SCHIP1: variants seen among roughly 807,000 people sequenced by gnomAD.
The protein encoded by SCHIP1 is schwannomin interacting protein 1.
A neutral mutation model predicts 29.7 loss-of-function variants in SCHIP1; 8 were observed. The observed-to-expected ratio is 0.27, with a 90% CI of 0.16 to 0.49. The LOEUF (loss-of-function observed/expected upper bound fraction) is 0.49. Among genes scored for constraint, SCHIP1 ranks in the 20% least tolerant of loss-of-function variants. The pLI, the probability that SCHIP1 is intolerant of heterozygous loss-of-function variation, is 0.99. For missense variants in SCHIP1, 193 were observed against 294.6 expected (o/e 0.66, Z 2.52); for synonymous variants, 76 against 94.9 (o/e 0.80, Z 1.16).
chr3:159,592,117 C>A, the SCHIP1 span, among the ~76,000 whole-genome samples: 1 of 152,032 alleles, frequency 6.6e-6, no homozygotes, highest in Non-Finnish European at 1.5e-5. Flanking sequence ...TTGAAGTACT[C>A]AGCTGCTATC....
chr3:159,509,789 A>G, the SCHIP1 span, among the ~76,000 whole-genome samples: 1 of 152,160 alleles, frequency 6.6e-6, no homozygotes, highest in Non-Finnish European at 1.5e-5. Context: ...AATGTTGACT[A>G]TTGTTCCCCA....
At chr3:159,343,355 A>G in the SCHIP1 span, among the ~76,000 whole-genome samples, 2 of 152,192 alleles carry the variant, frequency 1.3e-5, no homozygotes, top group African/African-American at 4.8e-5. Context: ...AAAGTCATAA[A>G]ACACTCCAAA....
Position 159,867,842 on chromosome 3 carries a change from T to G in SCHIP1, c.149+1561T>G, listed in dbSNP as rs118107098. Among the ~76,000 whole-genome samples the G allele has an allele frequency of 7.1e-4, 108 of 152,156 alleles. 1 individual carries two copies. The East Asian group carries it at 0.019, about 27-fold the overall frequency. On this transcript the variant is annotated intron_variant, in intron 2 of 6. Transcript: ENST00000445224. ...ATGAGAGCATTGGACCATATCATCT[T>G]ATAGATCTCTGCTACTGCTCTCTAA... is the stretch of plus-strand genomic sequence containing the variant.
chr3:159,547,446 T>C, the SCHIP1 span, among the ~76,000 whole-genome samples: 3 of 152,234 alleles, frequency 2.0e-5, no homozygotes, highest in African/African-American at 7.2e-5. Flanking sequence ...ATTTTGGCTT[T>C]TGTTGTACTT....
At chr3:159,663,342 G>T in the SCHIP1 span, among the ~76,000 whole-genome samples, 1 of 152,106 alleles carries the variant, frequency 6.6e-6, no homozygotes, top group African/African-American at 2.4e-5. Flanking sequence ...GGAGGGTTCC[G>T]GGTGAAGTTC....
At chr3:159,838,675 G>C (rs568445064), upstream of SCHIP1, among the ~76,000 whole-genome samples, 630 of 152,086 alleles carry the variant, frequency 4.1e-3, 7 homozygotes, top group African/African-American at 0.015. Flanking sequence ...CGGATCACAA[G>C]GTCAGGAGAT....
At chr3:159,719,651 C>A in the SCHIP1 span, among the ~76,000 whole-genome samples, 1 of 152,164 alleles carries the variant, frequency 6.6e-6, no homozygotes, top group East Asian at 1.9e-4. Flanking sequence ...TCATCACTGG[C>A]CATCAGAGAA....
the SCHIP1 span, among the ~76,000 whole-genome samples, chr3:159,578,294 A>G: frequency 6.6e-6 from 1 of 152,208 alleles, no homozygotes; most frequent in Non-Finnish European, 1.5e-5. Context: ...ATAACTGTGA[A>G]GTGCACATTG....
At chr3:159,631,241 G>A in the SCHIP1 span, among the ~76,000 whole-genome samples, 1 of 151,136 alleles carries the variant, frequency 6.6e-6, no homozygotes, top group African/African-American at 2.4e-5. Context: ...ATTGCAGCTG[G>A]GAATGTAAAA....
At chr3:159,566,401 T>G in the SCHIP1 span, among the ~76,000 whole-genome samples, 7,751 of 152,232 alleles carry the variant, frequency 0.051, 286 homozygotes, top group Middle Eastern at 0.13. Flanking sequence ...GACACTGCAG[T>G]AAACAAAAAT....
At chr3:159,430,864 C>G in the SCHIP1 span, among the ~76,000 whole-genome samples, 2 of 152,000 alleles carry the variant, frequency 1.3e-5, no homozygotes, top group African/African-American at 2.4e-5. Flanking sequence ...TATAGAAATG[C>G]CCCTCAATAG....
chr3:159,650,676 CA>C, the SCHIP1 span, among the ~76,000 whole-genome samples: 1 of 151,996 alleles, frequency 6.6e-6, no homozygotes, highest in African/African-American at 2.4e-5. Context: ...TTTATAACAG[CA>C]AAAAAGTGGA....
chr3:159,777,586 G>C, the SCHIP1 span, among the ~76,000 whole-genome samples: 5 of 152,270 alleles, frequency 3.3e-5, no homozygotes, highest in East Asian at 9.6e-4. Flanking sequence ...TCAGGGAACT[G>C]TGTCATGATT....
At chr3:159,425,617 A>G in the SCHIP1 span, among the ~76,000 whole-genome samples, 1 of 152,150 alleles carries the variant, frequency 6.6e-6, no homozygotes, top group Non-Finnish European at 1.5e-5. Flanking sequence ...CCCACTGTCA[A>G]CATTAGACAG....
the SCHIP1 span, chr3:159,309,150 A>AT: frequency 4.4e-6 from 1 of 227,556 alleles, no homozygotes; most frequent in African/African-American, 2.3e-5. Context: ...TAAAATTAAA[A>AT]AAAAACAATT....
the SCHIP1 span, among the ~76,000 whole-genome samples, chr3:159,363,109 C>T: frequency 6.6e-6 from 1 of 152,140 alleles, no homozygotes; most frequent in Non-Finnish European, 1.5e-5. Flanking sequence ...TTCTTACTCT[C>T]CCTTGAGTAT....
At chr3:159,392,374 A>G in the SCHIP1 span, among the ~76,000 whole-genome samples, 2 of 152,050 alleles carry the variant, frequency 1.3e-5, no homozygotes, top group African/African-American at 4.8e-5. Flanking sequence ...GGTTAGTTAC[A>G]TATGTATACA....
chr3:159,345,261 G>A, the SCHIP1 span, among the ~76,000 whole-genome samples: 2 of 150,596 alleles, frequency 1.3e-5, no homozygotes, highest in Non-Finnish European at 3.0e-5. Flanking sequence ...CTAAATCGCA[G>A]TGACATAAAG....
chr3:159,711,527 TA>T, the SCHIP1 span, among the ~76,000 whole-genome samples: 1 of 151,758 alleles, frequency 6.6e-6, no homozygotes, highest in African/African-American at 2.4e-5. Context: ...AAACAAACAC[TA>T]AAAAATACAA....
Sources: gnomAD v4.1 joint callset for allele counts (sites outside exome capture counted in the v4.1 genomes callset) on GRCh38, gnomAD v4.1.1 for gene constraint, MANE v1.5 for transcripts, NCBI Gene and HGNC (gene_info 2026-07-23, HGNC 2026-07-21) for gene names.